The following CEP135 variants were observed in gnomAD, a reference collection of about 807,000 sequenced individuals.
CEP135 encodes the protein centrosomal protein of 135 kDa.
In CEP135, 142 loss-of-function variants were observed where a neutral mutation model predicts 157.3. That is an observed-to-expected ratio of 0.90 (90% confidence interval 0.79 to 1.04). The LOEUF (loss-of-function observed/expected upper bound fraction) is 1.04, where lower values mean the gene tolerates loss of function less well. Ranked by LOEUF, CEP135 falls within the 50% of genes least tolerant of loss-of-function variation. The pLI is 0.00. For synonymous variants in CEP135, 396 were observed against 439.8 expected (o/e 0.90, Z 1.25); for missense variants, 1,317 against 1,309.2 (o/e 1.01, Z -0.09).
intron 4 of CEP135, among the ~76,000 whole-genome samples, chr4:55,956,767 C>A (rs996124356): frequency 6.6e-6 from 1 of 152,142 alleles, no homozygotes; most frequent in Non-Finnish European, 1.5e-5. Flanking sequence ...CCCGTTACCA[C>A]GCCCAGCTAA....
intron 24 of CEP135, 83 bp from the exon 25 acceptor site, chr4:56,024,417 GC>G: frequency 4.7e-6 from 4 of 857,268 alleles, no homozygotes; most frequent in Non-Finnish European, 7.6e-6. Context: ...TTACAAATTA[GC>G]TAATAACTCT....
chr4:55,964,658 C>T (rs1728788260), intron 7 of CEP135, among the ~76,000 whole-genome samples: 1 of 152,036 alleles, frequency 6.6e-6, no homozygotes, highest in African/African-American at 2.4e-5. Flanking sequence ...AGAGAATAAA[C>T]TCTGGGCACA....
chr4:55,957,109 A>C, intron 4 of CEP135, 114 bp from the exon 5 acceptor site: 2 of 1,039,818 alleles, frequency 1.9e-6, no homozygotes. Context: ...TATTTTGTCA[A>C]TATGTATTAT....
intron 6 of CEP135, among the ~76,000 whole-genome samples, chr4:55,961,519 C>G (rs1207027923): frequency 6.6e-6 from 1 of 152,020 alleles, no homozygotes; most frequent in Non-Finnish European, 1.5e-5. Flanking sequence ...AATCCCAGCA[C>G]TTGGGAAGGC....
chr4:55,953,720 T>G (rs1377356895), intron 3 of CEP135, among the ~76,000 whole-genome samples: 1 of 152,162 alleles, frequency 6.6e-6, no homozygotes, highest in African/African-American at 2.4e-5. Flanking sequence ...TGAAGAAATG[T>G]TCTTGAAACA....
rs778375969 is a variant in CEP135, at chr4:55,985,325, A to C, written c.1824A>C (p.Lys608Asn). 3.1e-6 allele frequency: 5 copies of C among 1,596,020 alleles called. No individual in the cohort carries two copies. Among genetic ancestry groups the C allele is most frequent in the Middle Eastern group, 3.3e-4 (2 of 5,998 alleles). Residue 608 changes from lysine to asparagine, a missense_variant, in exon 14 of 26, where the codon AAA becomes AAC. Transcript: ENST00000257287. Reference sequence around the variant, plus strand: ...TTTTTGGAAAATCAGAATTAGAGAAAACTATTGAACATTTGACATGTGTTA... The same window carrying C: ...TTTTTGGAAAATCAGAATTAGAGAACACTATTGAACATTTGACATGTGTTA... ...VSLFGKSELE[K>N]TIEHLTCVNH... is the part of the protein sequence containing the mutation.
intron 24 of CEP135, among the ~76,000 whole-genome samples, chr4:56,022,921 C>T (rs1379497639): frequency 6.6e-6 from 1 of 152,026 alleles, no homozygotes; most frequent in African/African-American, 2.4e-5. Context: ...TATAGTGTGA[C>T]CCCTAGCTCT....
At chr4:55,955,724 G>A (rs551215199) in intron 4 of CEP135, among the ~76,000 whole-genome samples, 352 of 152,308 alleles carry the variant, frequency 2.3e-3, no homozygotes, top group African/African-American at 8.0e-3. Flanking sequence ...TCTTTCGAGT[G>A]AATGAGTTAG....
chr4:56,017,753 G>C lies in CEP135; in HGVS notation c.2908G>C (p.Val970Leu). The change falls in exon 22 of 26, where the codon GTA becomes CTA. Residue 970 changes from valine to leucine, a missense_variant. Val to Leu is a conservative substitution (Grantham distance 32, BLOSUM62 1). Transcript: ENST00000257287. ...LRHQEDEKAT[V>L]LNDLSSLREL... Reference sequence around the variant, plus strand: ...ACATCAAGAAGATGAGAAAGCAACAGTATTAAATGACTTGTCATCTCTTAG... The same window carrying C: ...ACATCAAGAAGATGAGAAAGCAACACTATTAAATGACTTGTCATCTCTTAG... 2 of 1,613,912 alleles carry C rather than the reference G, an allele frequency of 1.2e-6. No individual in the cohort carries two copies. Among genetic ancestry groups the C allele is most frequent in the Non-Finnish European group, 1.7e-6 (2 of 1,179,924 alleles).
At chr4:55,962,425 C>T (rs1033212686) in intron 6 of CEP135, among the ~76,000 whole-genome samples, 2 of 152,058 alleles carry the variant, frequency 1.3e-5, no homozygotes, top group African/African-American at 4.8e-5. Flanking sequence ...CTACCTCCCC[C>T]TCTTGAGGAT....
intron 14 of CEP135, among the ~76,000 whole-genome samples, chr4:55,985,577 C>T (rs1371665345): frequency 3.3e-5 from 5 of 152,142 alleles, no homozygotes; most frequent in African/African-American, 9.7e-5. Context: ...GCCTCAGCCT[C>T]CTGAGTAGCT....
At chr4:56,001,503 T>C (rs916484315) in intron 17 of CEP135, among the ~76,000 whole-genome samples, 8 of 152,218 alleles carry the variant, frequency 5.3e-5, no homozygotes, top group African/African-American at 1.9e-4. Context: ...GCACCATTTA[T>C]TGAAAAGACT....
intron 11 of CEP135, among the ~76,000 whole-genome samples, chr4:55,977,532 A>T (rs1025427836): frequency 1.3e-5 from 2 of 152,198 alleles, no homozygotes; most frequent in Non-Finnish European, 2.9e-5. Flanking sequence ...AGATTAAATG[A>T]GCTAATTTGT....
intron 5 of CEP135, among the ~76,000 whole-genome samples, chr4:55,958,855 A>G (rs1032885292): frequency 1.3e-5 from 2 of 152,164 alleles, no homozygotes; most frequent in African/African-American, 4.8e-5. Context: ...AGGCCGAGGC[A>G]GGAGGATTGC....
intron 11 of CEP135, among the ~76,000 whole-genome samples, chr4:55,976,531 G>A (rs1051814338): frequency 6.6e-6 from 1 of 152,206 alleles, no homozygotes; most frequent in Non-Finnish European, 1.5e-5. Context: ...AGACAAATGT[G>A]TGAGACATAT....
chr4:55,957,761 G>A (rs984703165), intron 5 of CEP135, among the ~76,000 whole-genome samples: 1 of 152,090 alleles, frequency 6.6e-6, no homozygotes, highest in Admixed American at 6.5e-5. Flanking sequence ...CTTTTTTAAT[G>A]GTTTCTCTAG....
At chr4:55,996,724 T>G (rs1482617103) in intron 15 of CEP135, among the ~76,000 whole-genome samples, 3 of 152,146 alleles carry the variant, frequency 2.0e-5, no homozygotes, top group African/African-American at 7.2e-5. Context: ...CTTTTTTTTT[T>G]TTTTCTAATA....
chr4:55,965,297 T>C, intron 7 of CEP135: 1 of 172,266 alleles, frequency 5.8e-6, no homozygotes. Flanking sequence ...CTAGCCACAT[T>C]TCAGATGCTC....
Position 55,974,988 on chromosome 4 carries a change from A to G in CEP135, c.1473+19A>G. On this transcript the variant is annotated intron_variant, in intron 11 of 25. Coordinates refer to ENST00000257287, the MANE Select transcript of CEP135 (RefSeq NM_025009.5). The stretch of plus-strand genomic sequence containing the variant: ...AGAAAAGGTAATGTCCCTTTATAAG[A>G]GTAGGCCAGAAAGTATCTTTATGAA... The G allele has an allele frequency of 6.6e-7, 1 of 1,518,250 alleles. No individual in the cohort carries two copies. The highest frequency in any genetic ancestry group is 1.4e-5 in the African/African-American group (1 of 72,030). 94.0% of individuals were successfully genotyped at this position (1,518,250 alleles called of 1,614,324 possible). A position where few individuals can be genotyped will look rare whatever the true frequency, so the allele number is the denominator to read the frequency against.
Sources: allele counts gnomAD v4.1 joint callset (sites outside exome capture counted in the v4.1 genomes callset), GRCh38; gene constraint gnomAD v4.1.1; transcripts MANE v1.5; gene names NCBI Gene and HGNC (gene_info 2026-07-23, HGNC 2026-07-21).